AATF: variants seen among roughly 807,000 people sequenced by gnomAD.
AATF encodes the protein protein AATF.
AATF carries 48 observed loss-of-function variants against 63.7 expected under a neutral mutation model. The observed-to-expected ratio is 0.75, with a 90% CI of 0.60 to 0.96. The LOEUF (loss-of-function observed/expected upper bound fraction) is 0.96. AATF is among the 40% of genes least tolerant of loss of function. The pLI is 0.00. For synonymous variants in AATF, 258 were observed against 247.7 expected (o/e 1.04, Z -0.39); for missense variants, 639 against 685.7 (o/e 0.93, Z 0.76).
chr17:36,950,270 T>C lies in AATF; in HGVS notation c.148T>C (p.Phe50Leu), dbSNP rs1442668542. 6.2e-7 allele frequency: 1 copy of C among 1,614,030 alleles called. No homozygotes were observed. Among genetic ancestry groups the C allele is most frequent in the African/African-American group, 1.3e-5 (1 of 74,918 alleles). The stretch of plus-strand genomic sequence containing the variant: ...TGAAGGGGAAGATGGGGAAGGTGAT[T>C]TCCTAGTAGTGGGTAGCATTAGAAA... ...FDEGEDGEGD[F>L]LVVGSIRKLA... Residue 50 changes from phenylalanine to leucine, a missense_variant, in exon 2 of 12, where the codon TTC (phenylalanine) becomes CTC (leucine). By Grantham distance (22) the Phe-to-Leu change is conservative. Coordinates refer to ENST00000619387, the MANE Select transcript of AATF (RefSeq NM_012138.4).
intron 4 of AATF, among the ~76,000 whole-genome samples, chr17:36,981,362 A>AT (rs1241073699): frequency 2.0e-5 from 3 of 151,642 alleles, no homozygotes; most frequent in African/African-American, 7.3e-5. Context: ...GTGGTTGTTG[A>AT]TTTTATTTTT....
rs544812624 is a variant in AATF, at chr17:37,004,500, G to A, written c.1398+13643G>A. ...GTTGATGGAAATGATCCCGTAGAGA[G>A]GTAAAAATGGATGTTGCAGGAAAAA... is the stretch of plus-strand genomic sequence containing the variant. On this transcript the variant is annotated intron_variant, in intron 8 of 11. Coordinates refer to ENST00000619387, the MANE Select transcript of AATF (RefSeq NM_012138.4). Among the ~76,000 whole-genome samples the A allele has an allele frequency of 1.3e-3, 199 of 152,194 alleles. 2 individuals carry two copies. The highest frequency in any genetic ancestry group is 3.7e-3 in the East Asian group (19 of 5,184).
chr17:37,035,438 A>G lies in AATF; in HGVS notation c.1619+3753A>G, dbSNP rs188209097. Among the ~76,000 whole-genome samples the G allele has an allele frequency of 1.8e-3, 271 of 151,826 alleles. 4 individuals carry two copies. Among genetic ancestry groups the G allele is most frequent in the Non-Finnish European group, 4.9e-4 (33 of 67,960 alleles). On this transcript the variant is annotated intron_variant, in intron 11 of 11. Transcript: ENST00000619387. Reference sequence around the variant, plus strand: ...GGAAAATATTAAAAGGATTAGTAATACCCAGTGTTGATGGTGTAAGGAAAA... The same window carrying G: ...GGAAAATATTAAAAGGATTAGTAATGCCCAGTGTTGATGGTGTAAGGAAAA...
intron 8 of AATF, among the ~76,000 whole-genome samples, chr17:36,993,505 AT>A (rs1020804031): frequency 1.3e-5 from 2 of 152,326 alleles, no homozygotes; most frequent in African/African-American, 4.8e-5. Flanking sequence ...GCTAAAGAAA[AT>A]GGCTGTATGT....
At chr17:37,017,788 T>C (rs918041192) in intron 8 of AATF, among the ~76,000 whole-genome samples, 7 of 152,244 alleles carry the variant, frequency 4.6e-5, no homozygotes, top group African/African-American at 1.7e-4. Flanking sequence ...TGGAAGTGAA[T>C]ATTTTTTATA....
intron 10 of AATF, 110 bp downstream of exon 10, chr17:37,021,124 G>T: frequency 1.3e-6 from 1 of 770,868 alleles, no homozygotes; most frequent in South Asian, 2.4e-5. Context: ...CTGTTTTTAA[G>T]GATCAGAAAA....
chr17:36,996,914 T>G (rs2071259131), intron 8 of AATF, among the ~76,000 whole-genome samples: 2 of 152,158 alleles, frequency 1.3e-5, no homozygotes, highest in South Asian at 4.1e-4. Flanking sequence ...TAAACAAAGG[T>G]AAAACCTCAG....
At chr17:37,011,322 C>T (rs2071388909) in intron 8 of AATF, among the ~76,000 whole-genome samples, 2 of 152,102 alleles carry the variant, frequency 1.3e-5, no homozygotes, top group Non-Finnish European at 2.9e-5. Flanking sequence ...TTGCAGTGAG[C>T]AGAGATAGCA....
At chr17:37,002,776 T>TA in intron 8 of AATF, among the ~76,000 whole-genome samples, 1 of 152,006 alleles carries the variant, frequency 6.6e-6, no homozygotes, top group Middle Eastern at 3.4e-3. Flanking sequence ...TGAAAGAAAT[T>TA]AAAGACCTAA....
At chr17:36,980,402 T>G (rs2071113368) in intron 4 of AATF, 1 of 152,228 alleles carries the variant, frequency 6.6e-6, no homozygotes. Context: ...TAGGGTAAAA[T>G]AAACATATAT....
Position 36,949,116 on chromosome 17 carries a change from G to A in AATF, c.-10G>A. 2 of 1,571,544 alleles carry A rather than the reference G, an allele frequency of 1.3e-6. No individual in the cohort carries two copies. The highest frequency in any genetic ancestry group is 1.7e-6 in the Non-Finnish European group (2 of 1,158,942). ...GTGCGCGAAGCGGAGTGGACCGGGA[G>A]CTGGTGACGATGGCGGGGCCGCAGC... On this transcript the variant is annotated 5_prime_UTR_variant, in exon 1 of 12. Transcript: ENST00000619387.
At chr17:36,951,585 C>G (rs8072637) in intron 2 of AATF, among the ~76,000 whole-genome samples, 1,620 of 152,156 alleles carry the variant, frequency 0.011, 26 homozygotes, top group African/African-American at 0.037. Flanking sequence ...ATAAGGAAAT[C>G]GAGGGGCAAA....
intron 11 of AATF, among the ~76,000 whole-genome samples, chr17:37,039,089 G>A (rs909196838): frequency 1.1e-4 from 16 of 152,164 alleles, no homozygotes; most frequent in Non-Finnish European, 2.2e-4. Context: ...CCAGAAGATA[G>A]TTAAACCATT....
At chr17:37,039,735 C>T (rs2071622035) in intron 11 of AATF, among the ~76,000 whole-genome samples, 2 of 152,192 alleles carry the variant, frequency 1.3e-5, no homozygotes, top group South Asian at 4.1e-4. Flanking sequence ...AAGTTCAAAC[C>T]TAAGGCTTGG....
intron 2 of AATF, 121 bp from the exon 3 acceptor site, chr17:36,952,765 T>A: frequency 6.9e-7 from 1 of 1,459,290 alleles, no homozygotes; most frequent in African/African-American, 1.4e-5. Context: ...TATTGTTGAA[T>A]TGAGTGCAGT....
chr17:36,950,490 C>T, intron 2 of AATF, 85 bp downstream of exon 2: 8 of 1,321,872 alleles, frequency 6.1e-6, no homozygotes, highest in Non-Finnish European at 8.3e-6. Flanking sequence ...ATGATCTTTG[C>T]AAGAGTAGTC....
intron 11 of AATF, among the ~76,000 whole-genome samples, chr17:37,053,582 G>A (rs1188954392): frequency 4.6e-5 from 7 of 152,122 alleles, no homozygotes; most frequent in African/African-American, 1.7e-4. Flanking sequence ...AAATGTCCAA[G>A]TTAAAAAGTT....
At chr17:36,950,179 G>A in intron 1 of AATF, 35 bp from the exon 2 acceptor site, 1 of 1,602,200 alleles carries the variant, frequency 6.2e-7, no homozygotes, top group African/African-American at 1.3e-5. Context: ...CTGCTAACCT[G>A]GAGATTCTGT....
At chr17:37,046,730 A>AGC (rs71368439) in intron 11 of AATF, among the ~76,000 whole-genome samples, 1 of 139,970 alleles carries the variant, frequency 7.1e-6, no homozygotes, top group Admixed American at 7.1e-5. Context: ...GTGCTCCCCC[A>AGC]ACACACACAC....
Sources: gnomAD v4.1 joint callset for allele counts (sites outside exome capture counted in the v4.1 genomes callset) on GRCh38, gnomAD v4.1.1 for gene constraint, MANE v1.5 for transcripts, NCBI Gene and HGNC (gene_info 2026-07-23, HGNC 2026-07-21) for gene names.